RXFP2: variants seen among roughly 807,000 people sequenced by gnomAD.
RXFP2 encodes relaxin family peptide receptor 2.
In RXFP2, 68 loss-of-function variants were observed where a neutral mutation model predicts 88.6. The observed-to-expected ratio is 0.77, with a 90% CI of 0.63 to 0.94. The LOEUF (loss-of-function observed/expected upper bound fraction) is 0.94, where lower values mean the gene tolerates loss of function less well. Ranked by LOEUF, RXFP2 falls within the 40% of genes least tolerant of loss-of-function variation. The pLI is 0.00. For missense variants in RXFP2, 791 were observed against 893.9 expected (o/e 0.88, Z 1.47); for synonymous variants, 329 against 306.8 (o/e 1.07, Z -0.76).
intron 10 of RXFP2, among the ~76,000 whole-genome samples, chr13:31,782,459 C>G (rs924571823): frequency 6.6e-6 from 1 of 152,210 alleles, no homozygotes; most frequent in Non-Finnish European, 1.5e-5. Flanking sequence ...AGACCGCACT[C>G]AGGACCTCAA....
At chr13:31,744,896 T>TG (rs1871349268) in intron 1 of RXFP2, among the ~76,000 whole-genome samples, 1 of 152,128 alleles carries the variant, frequency 6.6e-6, no homozygotes, top group African/African-American at 2.4e-5. Context: ...CAGCTGGGCG[T>TG]GGTGACTCAC....
chr13:31,773,709 T>C (rs529688749), intron 5 of RXFP2, among the ~76,000 whole-genome samples: 2 of 152,254 alleles, frequency 1.3e-5, no homozygotes, highest in African/African-American at 4.8e-5. Flanking sequence ...GAAATAATCA[T>C]GGTATAACAA....
chr13:31,744,592 CTATTT>C (rs1871334896), intron 1 of RXFP2, among the ~76,000 whole-genome samples: 1 of 152,100 alleles, frequency 6.6e-6, no homozygotes, highest in Non-Finnish European at 1.5e-5. Flanking sequence ...GGCATAATGG[CTATTT>C]TATTTGCCCA....
intron 13 of RXFP2, among the ~76,000 whole-genome samples, chr13:31,788,336 G>A (rs997786583): frequency 2.1e-4 from 32 of 152,102 alleles, no homozygotes; most frequent in African/African-American, 7.7e-4. Context: ...GAAACCAAGT[G>A]AGAATCAGAC....
chr13:31,758,928 A>T (rs1369266661), intron 2 of RXFP2, among the ~76,000 whole-genome samples: 1 of 152,054 alleles, frequency 6.6e-6, no homozygotes, highest in African/African-American at 2.4e-5. Context: ...GGTGCCTGTA[A>T]TCCCAGCTAC....
chr13:31,764,240 C>T (rs1024819028), intron 3 of RXFP2, among the ~76,000 whole-genome samples: 4 of 141,052 alleles, frequency 2.8e-5, no homozygotes, highest in Admixed American at 7.4e-5. Flanking sequence ...GTCTCTCTCT[C>T]TTTCACACAC....
intron 14 of RXFP2, among the ~76,000 whole-genome samples, chr13:31,791,168 A>G (rs1873772856): frequency 6.6e-6 from 1 of 152,246 alleles, no homozygotes; most frequent in African/African-American, 2.4e-5. Context: ...CAGCACTTCC[A>G]GATGCCTTGT....
At chr13:31,773,593 C>T (rs1872812832) in intron 5 of RXFP2, among the ~76,000 whole-genome samples, 1 of 152,120 alleles carries the variant, frequency 6.6e-6, no homozygotes, top group African/African-American at 2.4e-5. Flanking sequence ...GATAACCCCT[C>T]CAATCTTGGC....
rs1468917784 is a variant in RXFP2 at position 31,774,697 on chromosome 13, T to G, written c.569+6T>G. 2 of 1,384,238 alleles carry G rather than the reference T, an allele frequency of 1.4e-6. No homozygotes were observed. Among genetic ancestry groups the G allele is most frequent in the Admixed American group, 3.4e-5 (2 of 59,672 alleles). 85.7% of individuals were successfully genotyped at this position (1,384,238 alleles called of 1,614,324 possible). On this transcript the variant is annotated splice_donor_region_variant and intron_variant, in intron 6 of 17. Coordinates refer to ENST00000298386, the MANE Select transcript of RXFP2 (RefSeq NM_130806.5). The stretch of plus-strand genomic sequence containing the variant: ...TTATGTAATCTGCAAATATTGTGAG[T>G]AACCTCTTTCTCATATTGTAGGTAT...
chr13:31,753,891 A>G (rs1180602495), intron 1 of RXFP2, among the ~76,000 whole-genome samples: 1 of 152,138 alleles, frequency 6.6e-6, no homozygotes. Flanking sequence ...ATTAAGTTAG[A>G]CAATAGAGAT....
chr13:31,789,075 A>G, intron 13 of RXFP2, 47 bp from the exon 14 acceptor site: 1 of 1,107,502 alleles, frequency 9.0e-7, no homozygotes, highest in Non-Finnish European at 1.3e-6. Context: ...GCAATTATTA[A>G]AACGTTTCAT....
intron 14 of RXFP2, 95 bp downstream of exon 14, chr13:31,789,288 T>C (rs1873693594): frequency 2.4e-6 from 2 of 842,610 alleles, no homozygotes; most frequent in East Asian, 4.9e-5. Flanking sequence ...TGTGTTTCTA[T>C]GCAACAAAAG....
intron 11 of RXFP2, among the ~76,000 whole-genome samples, chr13:31,783,796 TTTTGTTTG>T (rs140127444): frequency 2.7e-5 from 4 of 150,358 alleles, no homozygotes; most frequent in East Asian, 4.0e-4. Context: ...CAGAGGGGTT[TTTTGTTTG>T]TTTGTTTGTT....
chr13:31,786,656 T>C lies in RXFP2; in HGVS notation c.1073+19T>C. On this transcript the variant is annotated intron_variant, in intron 13 of 17. Transcript: ENST00000298386. Reference sequence around the variant, plus strand: ...AGTCTCTGTAAGTGAAATATTACAATTATATTGATTATAATTTTAGTGGAT... The same window carrying C: ...AGTCTCTGTAAGTGAAATATTACAACTATATTGATTATAATTTTAGTGGAT... The C allele has an allele frequency of 1.4e-6, 2 of 1,402,200 alleles. No homozygotes were observed. Among genetic ancestry groups the C allele is most frequent in the Non-Finnish European group, 2.0e-6 (2 of 990,908 alleles). 86.9% of individuals were successfully genotyped at this position (1,402,200 alleles called of 1,614,324 possible).
At chr13:31,792,204 T>A (rs1225710653) in intron 15 of RXFP2, among the ~76,000 whole-genome samples, 169 bp downstream of exon 15, 1 of 152,202 alleles carries the variant, frequency 6.6e-6, no homozygotes, top group African/African-American at 2.4e-5. Flanking sequence ...TGGCTTTGTT[T>A]TAGGTTGTAT....
rs755086748 is a variant in RXFP2, at chr13:31,774,711, T to C, written c.569+20T>C. ...AATATTGTGAGTAACCTCTTTCTCA[T>C]ATTGTAGGTATAATTTTAAGCAAAG... On this transcript the variant is annotated intron_variant, in intron 6 of 17. Coordinates refer to ENST00000298386, the MANE Select transcript of RXFP2 (RefSeq NM_130806.5). 3.2e-6 allele frequency: 4 copies of C among 1,238,156 alleles called. No individual in the cohort carries two copies. In the South Asian group the frequency reaches 4.8e-5, roughly 15 times the overall value. 76.7% of individuals were successfully genotyped at this position (1,238,156 alleles called of 1,614,324 possible).
intron 5 of RXFP2, among the ~76,000 whole-genome samples, chr13:31,769,761 C>T: frequency 6.6e-6 from 1 of 152,172 alleles, no homozygotes; most frequent in East Asian, 1.9e-4. Context: ...ACATCTTGTA[C>T]TCATGCACTT....
At chr13:31,750,263 T>A (rs145270438) in intron 1 of RXFP2, among the ~76,000 whole-genome samples, 2 of 152,224 alleles carry the variant, frequency 1.3e-5, no homozygotes, top group African/African-American at 4.8e-5. Flanking sequence ...CTCATCAGCA[T>A]GAATTAGATG....
chr13:31,763,103 A>C (rs960640448), intron 3 of RXFP2, among the ~76,000 whole-genome samples: 32 of 97,274 alleles, frequency 3.3e-4, no homozygotes, highest in Admixed American at 7.7e-4. Context: ...TTTTTTTTTG[A>C]GACAGCATCT....
Sources: gnomAD v4.1 joint callset for allele counts (sites outside exome capture counted in the v4.1 genomes callset) on GRCh38, gnomAD v4.1.1 for gene constraint, MANE v1.5 for transcripts, NCBI Gene and HGNC (gene_info 2026-07-23, HGNC 2026-07-21) for gene names.